Variants in PDSS1 observed in about 807,000 individuals in gnomAD.
PDSS1 encodes all trans-polyprenyl-diphosphate synthase PDSS1.
PDSS1 carries 43 observed loss-of-function variants against 57.5 expected under a neutral mutation model. That is an observed-to-expected ratio of 0.75 (90% CI 0.59 to 0.96). PDSS1 has a LOEUF of 0.96. PDSS1 is among the 50% of genes least tolerant of loss of function. The probability of loss-of-function intolerance (pLI) is 0.00; values close to 1 mark genes in which losing one functional copy is unlikely to be tolerated. For missense variants in PDSS1, 438 were observed against 527.8 expected (o/e 0.83, Z 1.67); for synonymous variants, 175 against 191.3 (o/e 0.91, Z 0.70).
At chr10:26,740,657 G>T (rs375415578) in intron 10 of PDSS1, 1 of 456,718 alleles carries the variant, frequency 2.2e-6, no homozygotes, top group East Asian at 6.9e-5. Context: ...TCACTGCCAG[G>T]GAAAAACTGG....
At chr10:26,707,511 G>T (rs916177467) in intron 4 of PDSS1, among the ~76,000 whole-genome samples, 7 of 152,046 alleles carry the variant, frequency 4.6e-5, no homozygotes, top group African/African-American at 1.7e-4. Context: ...ACACTTCCTG[G>T]TTTTCTGACC....
Position 26,729,806 on chromosome 10 carries a change from G to C in PDSS1, c.832-5434G>C, listed in dbSNP as rs142890598. ...CCATTATTGGAATGCTAAGCTTGTG[G>C]AGTTATTTCTATCCTACTGCTCAAG... On this transcript the variant is annotated intron_variant, in intron 8 of 11. Coordinates refer to ENST00000376215, the MANE Select transcript of PDSS1 (RefSeq NM_014317.5). 3.3e-3 allele frequency among the ~76,000 whole-genome samples: 496 copies of C among 151,928 alleles called. 4 individuals carry two copies. Among genetic ancestry groups the C allele is most frequent in the African/African-American group, 0.011 (471 of 41,466 alleles).
chr10:26,734,738 G>A lies in PDSS1; in HGVS notation c.832-502G>A, dbSNP rs773599812. On this transcript the variant is annotated intron_variant, in intron 8 of 11. Transcript: ENST00000376215. ...TTCAGAAACAGGTGAAATTCCCAAC[G>A]ATGATGAAAAGAAAGGACTACAGAT... is the stretch of plus-strand genomic sequence containing the variant. 1.1e-4 allele frequency: 50 copies of A among 456,260 alleles called. 1 individual carries two copies. The highest frequency in any genetic ancestry group is 6.5e-4 in the Middle Eastern group (2 of 3,076). The allele number at this position is 456,260 out of a possible 1,614,324, so 28.3% of individuals were successfully genotyped here. A position where few individuals can be genotyped will look rare whatever the true frequency, so the allele number is the denominator to read the frequency against.
chr10:26,731,832 C>A (rs1395098390), intron 8 of PDSS1, among the ~76,000 whole-genome samples: 2 of 152,244 alleles, frequency 1.3e-5, no homozygotes, highest in African/African-American at 4.8e-5. Context: ...CACTCTGTCA[C>A]CCAGGCTGGA....
intron 2 of PDSS1, among the ~76,000 whole-genome samples, chr10:26,702,720 T>A (rs1275625312): frequency 6.6e-6 from 1 of 152,178 alleles, no homozygotes; most frequent in African/African-American, 2.4e-5. Context: ...CATTGTGGCA[T>A]GTTCCTGTAG....
At chr10:26,724,990 C>T (rs905980737) in intron 8 of PDSS1, among the ~76,000 whole-genome samples, 1 of 152,060 alleles carries the variant, frequency 6.6e-6, no homozygotes, top group Non-Finnish European at 1.5e-5. Context: ...CCCTTGCTTT[C>T]TCCCTCCCTC....
chr10:26,745,843 C>A (rs556894138), intron 11 of PDSS1, among the ~76,000 whole-genome samples: 18 of 149,024 alleles, frequency 1.2e-4, no homozygotes, highest in Non-Finnish European at 2.2e-4. Flanking sequence ...GAGACCCTGT[C>A]TCAAAAAAAA....
intron 6 of PDSS1, among the ~76,000 whole-genome samples, chr10:26,722,593 A>T (rs997955084): frequency 1.6e-4 from 24 of 151,706 alleles, no homozygotes; most frequent in African/African-American, 5.8e-4. Context: ...AGTCCCAGCT[A>T]CTCATGAGGC....
At chr10:26,734,027 A>G (rs1836305148) in intron 8 of PDSS1, among the ~76,000 whole-genome samples, 1 of 152,202 alleles carries the variant, frequency 6.6e-6, no homozygotes, top group Non-Finnish European at 1.5e-5. Context: ...GGTGCCAGGC[A>G]GTATACTGAG....
At chr10:26,698,662 A>G (rs1458623148) in intron 1 of PDSS1, among the ~76,000 whole-genome samples, 2 of 152,192 alleles carry the variant, frequency 1.3e-5, no homozygotes, top group Admixed American at 6.5e-5. Flanking sequence ...TGCAAAATCT[A>G]TGGACTCACT....
intron 8 of PDSS1, among the ~76,000 whole-genome samples, chr10:26,728,367 A>G (rs1430086864): frequency 6.6e-6 from 1 of 151,980 alleles, no homozygotes; most frequent in Non-Finnish European, 1.5e-5. Context: ...GCAGGCGCCT[A>G]TAATCCCAGC....
At chr10:26,728,368 T>A (rs1179147865) in intron 8 of PDSS1, among the ~76,000 whole-genome samples, 1 of 152,000 alleles carries the variant, frequency 6.6e-6, no homozygotes, top group East Asian at 1.9e-4. Flanking sequence ...CAGGCGCCTA[T>A]AATCCCAGCT....
chr10:26,746,623 G>T lies in PDSS1; in HGVS notation c.*150G>T, dbSNP rs1836944184. The stretch of plus-strand genomic sequence containing the variant: ...GATGGGCAATTTATTTTTTTTTATT[G>T]CAAAAGTTTTTTCAGAAAACTTTTT... On this transcript the variant is annotated 3_prime_UTR_variant, in exon 12 of 12. Transcript: ENST00000376215. The T allele has an allele frequency of 6.1e-6, 5 of 822,548 alleles. No homozygotes were observed. The South Asian group carries it at 6.4e-5, about 11-fold the overall frequency. 51.0% of individuals were successfully genotyped at this position (822,548 alleles called of 1,614,324 possible).
At chr10:26,722,664 A>G (rs909829805) in intron 6 of PDSS1, among the ~76,000 whole-genome samples, 23 of 151,964 alleles carry the variant, frequency 1.5e-4, no homozygotes, top group African/African-American at 5.3e-4. Flanking sequence ...AGGTCATGCC[A>G]CTGTACTCAA....
chr10:26,709,814 T>C, intron 5 of PDSS1, 46 bp downstream of exon 5: 1 of 1,587,946 alleles, frequency 6.3e-7, no homozygotes, highest in Non-Finnish European at 8.6e-7. Flanking sequence ...ATTTGGGAAG[T>C]CTTTCTTCCC....
intron 5 of PDSS1, among the ~76,000 whole-genome samples, chr10:26,716,415 G>T (rs1388139941): frequency 6.6e-6 from 1 of 151,828 alleles, no homozygotes; most frequent in African/African-American, 2.4e-5. Context: ...AATTTTTTTG[G>T]CCGGGTGCGG....
chr10:26,699,576 G>A (rs1362809446), intron 1 of PDSS1, among the ~76,000 whole-genome samples: 1 of 151,912 alleles, frequency 6.6e-6, no homozygotes, highest in East Asian at 1.9e-4. Flanking sequence ...TGTATTTTTA[G>A]TAGAGACGGC....
At chr10:26,717,344 G>A (rs1835619881) in intron 5 of PDSS1, among the ~76,000 whole-genome samples, 1 of 152,104 alleles carries the variant, frequency 6.6e-6, no homozygotes, top group African/African-American at 2.4e-5. Context: ...TGATTCTCCT[G>A]CCTCAGCCTC....
intron 8 of PDSS1, among the ~76,000 whole-genome samples, chr10:26,729,312 T>C (rs1450983272): frequency 6.6e-6 from 1 of 152,172 alleles, no homozygotes; most frequent in Non-Finnish European, 1.5e-5. Context: ...CTGGGTGTCA[T>C]CGTTTCTAGA....
Sources: allele counts gnomAD v4.1 joint callset (sites outside exome capture counted in the v4.1 genomes callset), GRCh38; gene constraint gnomAD v4.1.1; transcripts MANE v1.5; gene names NCBI Gene and HGNC (gene_info 2026-07-23, HGNC 2026-07-21).